The following CEP95 variants were observed in gnomAD, a reference collection of about 807,000 sequenced individuals.
The protein encoded by CEP95 is centrosomal protein 95.
A neutral mutation model predicts 111.2 loss-of-function variants in CEP95; 98 were observed. The ratio of observed to expected loss-of-function variants is 0.88; its 90% CI spans 0.75 to 1.04. The LOEUF is 1.04. Ranked by LOEUF, CEP95 falls within the 50% of genes least tolerant of loss-of-function variation. The pLI is 0.00. For synonymous variants in CEP95, 323 were observed against 327.1 expected, an observed-to-expected ratio of 0.99 and a Z score of 0.14; for missense variants, 1,027 against 977.2, an observed-to-expected ratio of 1.05 and a Z score of -0.68.
chr17:64,527,045 C>T (rs1967872633), intron 10 of CEP95, 66 bp from the exon 11 acceptor site: 1 of 1,358,976 alleles, frequency 7.4e-7, no homozygotes, highest in Admixed American at 1.8e-5. Context: ...TAAAGGTCTG[C>T]CTACTCCTAC....
At chr17:64,522,950 G>A in intron 8 of CEP95, 55 bp downstream of exon 8, 5 of 1,334,126 alleles carry the variant, frequency 3.7e-6, no homozygotes, top group Non-Finnish European at 5.2e-6. Flanking sequence ...ATGTATGTCT[G>A]TGTGTGTGTT....
chr17:64,516,896 A>G (rs1428699504), intron 5 of CEP95, 68 bp downstream of exon 5: 12 of 874,878 alleles, frequency 1.4e-5, no homozygotes, highest in East Asian at 2.5e-5. Context: ...TTAAAATCAC[A>G]CGTAATATAC....
At chr17:64,524,267 T>C (rs1967616474) in intron 8 of CEP95, among the ~76,000 whole-genome samples, 2 of 152,198 alleles carry the variant, frequency 1.3e-5, no homozygotes, top group Non-Finnish European at 2.9e-5. Context: ...AAAGTTTTAT[T>C]AAAATATGAT....
At chr17:64,532,684 A>G (rs1290258845) in intron 14 of CEP95, 155 bp from the exon 15 acceptor site, 6 of 1,434,942 alleles carry the variant, frequency 4.2e-6, no homozygotes, top group South Asian at 1.6e-5. Flanking sequence ...GCTTACTCCA[A>G]TCAGAGGAGT....
chr17:64,507,266 C>G (rs2038599280), intron 1 of CEP95, 150 bp downstream of exon 1: 3 of 1,491,390 alleles, frequency 2.0e-6, no homozygotes, highest in Non-Finnish European at 2.7e-6. Flanking sequence ...TGGATAGGGT[C>G]TCTCAGCTTC....
chr17:64,507,075 C>T lies in CEP95; in HGVS notation c.-23C>T, dbSNP rs569955270. On this transcript the variant is annotated 5_prime_UTR_variant, in exon 1 of 20. Transcript: ENST00000556440. ...TCGCCTTCCCGGCCGCGTCGGAGTC[C>T]GGCGGCGACCTGCCTCTGAAACATG... 12 of 1,550,576 alleles carry T rather than the reference C, an allele frequency of 7.7e-6. No individual in the cohort carries two copies. In the African/African-American group the frequency reaches 9.6e-5, roughly 12 times the overall value.
At chr17:64,515,521 T>A (rs145066682) in intron 4 of CEP95, among the ~76,000 whole-genome samples, 34 of 152,134 alleles carry the variant, frequency 2.2e-4, no homozygotes, top group African/African-American at 8.0e-4. Flanking sequence ...GCTAATGATA[T>A]GGCAGTGGGG....
rs1284190397 is a variant in CEP95 at position 64,514,249 on chromosome 17, A to G, written c.258A>G (p.Gly86=). 4.0e-6 allele frequency: 5 copies of G among 1,255,196 alleles called. No individual in the cohort carries two copies. The African/African-American group carries it at 7.4e-5, about 19-fold the overall frequency. The allele number at this position is 1,255,196 out of a possible 1,614,324, so 77.8% of individuals were successfully genotyped here. Residue 86 remains glycine, a splice_region_variant and synonymous_variant, in exon 4 of 20, where the codon GGA becomes GGG. Transcript: ENST00000556440. ...AATAGCTCTATATTCTGTCTCCAGG[A>G]GAAAATATAGTGAAAGGAGATAAAG... ...YLQVSLSHIT[G]ENIVKGDKES... is the part of the protein sequence containing the mutation.
At chr17:64,536,936 C>A in intron 18 of CEP95, 105 bp from the exon 19 acceptor site, 1 of 1,252,862 alleles carries the variant, frequency 8.0e-7, no homozygotes, top group Non-Finnish European at 1.1e-6. Flanking sequence ...CAGTATATTT[C>A]CCTATTTCCA....
In CEP95 at chr17:64,510,163, C is replaced by T. The variant is rs782721078; in HGVS notation, c.149-10C>T. The T allele has an allele frequency of 1.1e-5, 16 of 1,462,190 alleles. No homozygotes were observed. The East Asian group carries it at 1.4e-4, about 13-fold the overall frequency. 90.6% of individuals were successfully genotyped at this position (1,462,190 alleles called of 1,614,324 possible). A position where few individuals can be genotyped will look rare whatever the true frequency, so the allele number is the denominator to read the frequency against. ...TGGATACAAAATTATGTGATTTTTT[C>T]CCCCCCCAGACCTCATAGTTATTCC... On this transcript the variant is annotated splice_polypyrimidine_tract_variant and intron_variant, in intron 2 of 19. Coordinates refer to ENST00000556440, the MANE Select transcript of CEP95 (RefSeq NM_138363.3).
At position 64,507,014 on chromosome 17, in the gene CEP95, G is replaced by T; in HGVS notation, c.-84G>T. ...TTGGTTCGTGCGTCCGCGCCCCAGT[G>T]TCGGGTCTGCGTGGATCGGTCCTTC... is the stretch of plus-strand genomic sequence containing the variant. On this transcript the variant is annotated 5_prime_UTR_variant, in exon 1 of 20. Coordinates refer to ENST00000556440, the MANE Select transcript of CEP95 (RefSeq NM_138363.3). 1 of 1,505,078 alleles carries T rather than the reference G, an allele frequency of 6.6e-7. No individual in the cohort carries two copies. The allele number at this position is 1,505,078 out of a possible 1,614,324, so 93.2% of individuals were successfully genotyped here.
intron 3 of CEP95, among the ~76,000 whole-genome samples, chr17:64,513,125 A>AC (rs1555675496): frequency 1.3e-5 from 2 of 152,160 alleles, no homozygotes; most frequent in African/African-American, 2.4e-5. Flanking sequence ...CACGTCCAAA[A>AC]CCAAGATTTC....
rs1967464639 is a variant in CEP95 at position 64,522,833 on chromosome 17, T to G, written c.847T>G (p.Leu283Val). ...RAPCPIGKEY[L>V]HSSHCSPAVN... ...ACCCTGCCCCATAGGAAAAGAATAC[T>G]TGCATTCAAGTCACTGCTCCCCAGC... Residue 283 changes from leucine to valine, a missense_variant, in exon 8 of 20, where the codon TTG becomes GTG. By Grantham distance (32) the Leu-to-Val change is conservative. Transcript: ENST00000556440. 6.2e-7 allele frequency: 1 copy of G among 1,613,670 alleles called. No individual in the cohort carries two copies.
At chr17:64,520,816 C>T (rs1555677519) in intron 6 of CEP95, among the ~76,000 whole-genome samples, 1 of 152,186 alleles carries the variant, frequency 6.6e-6, no homozygotes, top group African/African-American at 2.4e-5. Context: ...ATAAAACAGC[C>T]AGCATTTCCG....
At chr17:64,509,723 G>A (rs1555674179) in intron 2 of CEP95, among the ~76,000 whole-genome samples, 2 of 151,774 alleles carry the variant, frequency 1.3e-5, no homozygotes, top group Admixed American at 6.6e-5. Context: ...GTATATATAA[G>A]AACGCTCCTT....
rs943027217 is a variant in CEP95, at chr17:64,519,377, C to G, written c.530C>G (p.Ser177Cys). 1 of 1,613,786 alleles carries G rather than the reference C, an allele frequency of 6.2e-7. No individual in the cohort carries two copies. Among genetic ancestry groups the G allele is most frequent in the Middle Eastern group, 1.6e-4 (1 of 6,062 alleles). The change falls in exon 6 of 20, where the codon TCC (serine) becomes TGC (cysteine). Residue 177 changes from serine to cysteine, a missense_variant. By Grantham distance (112) the Ser-to-Cys change is moderately radical. Transcript: ENST00000556440. ...GPSWDGDEAE[S>C]TGEIIRLGDT... ...TCTTGGGATGGAGATGAAGCAGAAT[C>G]CACTGGTGAAATCATTAGACTTGGA... is the stretch of plus-strand genomic sequence containing the variant.
chr17:64,510,412 A>G (rs183180308), intron 3 of CEP95, 132 bp downstream of exon 3: 18 of 633,878 alleles, frequency 2.8e-5, no homozygotes, highest in East Asian at 2.5e-4. Context: ...AGCTAAGACA[A>G]TCAACTGATA....
intron 5 of CEP95, among the ~76,000 whole-genome samples, chr17:64,517,287 T>C (rs1437022596): frequency 1.3e-5 from 2 of 152,154 alleles, no homozygotes; most frequent in Admixed American, 6.5e-5. Flanking sequence ...TCTCAGGTGA[T>C]CCACCTGCCT....
At chr17:64,536,443 T>C in intron 17 of CEP95, 159 bp from the exon 18 acceptor site, 1 of 512,004 alleles carries the variant, frequency 2.0e-6, no homozygotes. Context: ...AGCAATAACC[T>C]GTCTCAGAAA....
Sources: allele counts gnomAD v4.1 joint callset (sites outside exome capture counted in the v4.1 genomes callset), GRCh38; gene constraint gnomAD v4.1.1; transcripts MANE v1.5; gene names NCBI Gene and HGNC (gene_info 2026-07-23, HGNC 2026-07-21).